CAST: variants seen among roughly 807,000 people sequenced by gnomAD.
The protein encoded by CAST is MIR583 host.
CAST carries 76 observed loss-of-function variants against 119.6 expected under a neutral mutation model. The ratio of observed to expected loss-of-function variants is 0.64; its 90% confidence interval spans 0.53 to 0.77. The LOEUF (loss-of-function observed/expected upper bound fraction) is 0.77, where lower values mean the gene tolerates loss of function less well. Ranked by LOEUF, CAST falls within the 30% of genes least tolerant of loss-of-function variation. The probability of loss-of-function intolerance (pLI) is 0.00; values close to 1 mark genes in which losing one functional copy is unlikely to be tolerated. For missense variants in CAST, 953 were observed against 946.5 expected, an observed-to-expected ratio of 1.01 and a Z score of -0.09; for synonymous variants, 319 against 331.6, an observed-to-expected ratio of 0.96 and a Z score of 0.41.
At chr5:96,240,804 C>A in the CAST span, among the ~76,000 whole-genome samples, 1 of 135,466 alleles carries the variant, frequency 7.4e-6, no homozygotes, top group Non-Finnish European at 1.6e-5. Flanking sequence ...GATAATTTTA[C>A]ATACTTTCAA....
chr5:96,604,289 T>C (rs1747213291), intron 1 of CAST, among the ~76,000 whole-genome samples: 1 of 152,216 alleles, frequency 6.6e-6, no homozygotes, highest in Admixed American at 6.5e-5. Flanking sequence ...CTATCTACTA[T>C]AATCACTTGA....
At chr5:96,139,680 C>T in the CAST span, among the ~76,000 whole-genome samples, 1 of 151,474 alleles carries the variant, frequency 6.6e-6, no homozygotes, top group East Asian at 1.9e-4. Flanking sequence ...ATCTGGGGAA[C>T]AAAAGTGGCC....
chr5:96,221,920 C>T, the CAST span, among the ~76,000 whole-genome samples: 2 of 151,862 alleles, frequency 1.3e-5, no homozygotes, highest in African/African-American at 4.8e-5. Flanking sequence ...ACACAGTCGA[C>T]GAGGAACAGA....
the CAST span, among the ~76,000 whole-genome samples, chr5:96,204,252 C>T: frequency 4.5e-4 from 69 of 152,008 alleles, no homozygotes; most frequent in African/African-American, 1.6e-3. Flanking sequence ...CGCTTTCCAG[C>T]ACCAAGCAGG....
At chr5:96,702,400 C>A (rs1485644716) in intron 3 of CAST, among the ~76,000 whole-genome samples, 2 of 152,158 alleles carry the variant, frequency 1.3e-5, no homozygotes, top group Non-Finnish European at 2.9e-5. Context: ...AGAATTCTTA[C>A]TGTTAAACTA....
At chr5:96,111,116 A>G in the CAST span, 1 of 152,214 alleles carries the variant, frequency 6.6e-6, no homozygotes, top group Non-Finnish European at 1.5e-5. Flanking sequence ...TGACCTGGCT[A>G]CGTGGACCCC....
the CAST span, among the ~76,000 whole-genome samples, chr5:96,285,072 CT>C: frequency 2.0e-5 from 3 of 151,940 alleles, no homozygotes; most frequent in Admixed American, 1.3e-4. Context: ...AAATACTTTT[CT>C]TTTTTTTCCA....
the CAST span, among the ~76,000 whole-genome samples, chr5:96,363,665 T>A: frequency 6.6e-6 from 1 of 152,332 alleles, no homozygotes; most frequent in South Asian, 2.1e-4. Context: ...AGAATGCTTG[T>A]GATTTTTGCA....
chr5:96,480,114 G>A, the CAST span, among the ~76,000 whole-genome samples: 1 of 152,126 alleles, frequency 6.6e-6, no homozygotes, highest in Non-Finnish European at 1.5e-5. Flanking sequence ...TTTCGGTGGG[G>A]AAAATAAAAT....
At chr5:96,160,049 A>T in the CAST span, among the ~76,000 whole-genome samples, 2 of 152,112 alleles carry the variant, frequency 1.3e-5, no homozygotes, top group Admixed American at 1.3e-4. Flanking sequence ...CTGAGGCATG[A>T]GAATCACTTG....
chr5:96,391,118 A>G, the CAST span: 2 of 152,216 alleles, frequency 1.3e-5, no homozygotes, highest in African/African-American at 2.4e-5. Context: ...CTAACACTTC[A>G]TATCAAACAA....
the CAST span, among the ~76,000 whole-genome samples, chr5:96,024,845 C>T: frequency 1.4e-4 from 22 of 152,224 alleles, 1 homozygote; most frequent in East Asian, 1.7e-3. Context: ...GGGTGTCCAA[C>T]GCTCCCTTTC....
chr5:96,729,613 C>G lies in CAST; in HGVS notation c.437C>G (p.Pro146Arg). Residue 146 changes from proline to arginine, a missense_variant and splice_region_variant, in exon 8 of 32, where the codon CCA (proline) becomes CGA (arginine). Coordinates refer to ENST00000675179, the MANE Select transcript of CAST (RefSeq NM_001750.7). ...QEGKPKEHTEPKSLPKQASDT... is the reference protein window; with the variant it reads ...QEGKPKEHTERKSLPKQASDT... The stretch of plus-strand genomic sequence containing the variant: ...GGGCACCTGTGTGTGTACTTTCAGC[C>G]AAAAAGCCTACCCAAGCAGGCATCA... 3.4e-6 allele frequency: 5 copies of G among 1,485,748 alleles called. No homozygotes were observed. The highest frequency in any genetic ancestry group is 3.8e-6 in the Non-Finnish European group (4 of 1,063,594). The allele number at this position is 1,485,748 out of a possible 1,614,324, so 92.0% of individuals were successfully genotyped here. A position where few individuals can be genotyped will look rare whatever the true frequency, so the allele number is the denominator to read the frequency against.
chr5:96,072,897 C>T, the CAST span, among the ~76,000 whole-genome samples: 1 of 152,172 alleles, frequency 6.6e-6, no homozygotes, highest in African/African-American at 2.4e-5. Flanking sequence ...AAATCCAAGC[C>T]CTGTGGCAAG....
chr5:96,746,744 A>G (rs766903368), intron 17 of CAST, among the ~76,000 whole-genome samples: 6 of 152,230 alleles, frequency 3.9e-5, no homozygotes, highest in South Asian at 4.1e-4. Flanking sequence ...TCTAACTGCT[A>G]TATGGATAAA....
At chr5:96,446,662 T>C in the CAST span, among the ~76,000 whole-genome samples, 1 of 152,164 alleles carries the variant, frequency 6.6e-6, no homozygotes, top group Non-Finnish European at 1.5e-5. Flanking sequence ...GTCAAGGTCA[T>C]TGATATTCAA....
chr5:96,619,815 A>T (rs991520347), intron 1 of CAST, among the ~76,000 whole-genome samples: 3 of 152,020 alleles, frequency 2.0e-5, no homozygotes, highest in Non-Finnish European at 2.9e-5. Flanking sequence ...CCAATTTCCG[A>T]CACATTAGCA....
At chr5:96,210,584 T>A in the CAST span, among the ~76,000 whole-genome samples, 1 of 152,050 alleles carries the variant, frequency 6.6e-6, no homozygotes, top group Non-Finnish European at 1.5e-5. Context: ...CAATTTTGAT[T>A]ACTATAGCTA....
At chr5:96,021,707 A>C in the CAST span, among the ~76,000 whole-genome samples, 1 of 152,064 alleles carries the variant, frequency 6.6e-6, no homozygotes, top group Non-Finnish European at 1.5e-5. Context: ...TGGCCTCCCA[A>C]AGTGTTGGGA....
Sources: allele counts gnomAD v4.1 joint callset (sites outside exome capture counted in the v4.1 genomes callset), GRCh38; gene constraint gnomAD v4.1.1; transcripts MANE v1.5; gene names NCBI Gene and HGNC (gene_info 2026-07-23, HGNC 2026-07-21).